Variants in HACE1 observed in about 807,000 individuals in gnomAD.
The protein encoded by HACE1 is HECT domain and ankyrin repeat containing E3 ubiquitin protein ligase 1.
In HACE1, 73 loss-of-function variants were observed where a neutral mutation model predicts 118.4. That is an observed-to-expected ratio of 0.62 (90% CI 0.51 to 0.75). HACE1 has a LOEUF of 0.75. HACE1 is among the 30% of genes least tolerant of loss of function. HACE1 has a pLI of 0.00. For missense variants in HACE1, 749 were observed against 1,102.2 expected (o/e 0.68, Z 4.54); for synonymous variants, 368 against 374.8 (o/e 0.98, Z 0.21).
intron 22 of HACE1, among the ~76,000 whole-genome samples, chr6:104,736,701 A>G (rs970704766): frequency 1.3e-4 from 20 of 152,200 alleles, no homozygotes; most frequent in African/African-American, 4.8e-4. Context: ...AATATATTAA[A>G]TTATTTCCAT....
At chr6:104,841,118 C>CAA (rs1165724826) in intron 5 of HACE1, among the ~76,000 whole-genome samples, 11 of 81,450 alleles carry the variant, frequency 1.4e-4, no homozygotes, top group Admixed American at 4.3e-4. Flanking sequence ...GACTCTGTCT[C>CAA]AAAAAAAAAA....
chr6:104,793,491 C>T lies in HACE1; in HGVS notation c.924-1837G>A, dbSNP rs532981215. On this transcript the variant is annotated intron_variant, in intron 10 of 23. Coordinates refer to ENST00000262903, the MANE Select transcript of HACE1 (RefSeq NM_020771.4). ...ATATAAACATAGCATTATGTGCAAA[C>T]GCCTCAGTAAATGTTTATTATCTTT... is the stretch of plus-strand genomic sequence containing the variant. 1.1e-4 allele frequency among the ~76,000 whole-genome samples: 16 copies of T among 152,106 alleles called. No homozygotes were observed. The South Asian group carries it at 2.7e-3, about 26-fold the overall frequency.
chr6:104,811,247 C>CATATATAT (rs3995559), intron 7 of HACE1, 64 bp downstream of exon 7: 3,394 of 207,764 alleles, frequency 0.016, 33 homozygotes, highest in African/African-American at 0.023. Context: ...TTTATTTATA[C>CATATATAT]ATATATATAT....
At chr6:104,783,253 T>A (rs1467251912) in intron 14 of HACE1, among the ~76,000 whole-genome samples, 1 of 152,224 alleles carries the variant, frequency 6.6e-6, no homozygotes, top group Non-Finnish European at 1.5e-5. Context: ...AAATTTCCCC[T>A]GACTACAGAT....
At chr6:104,740,492 T>C (rs939023732) in intron 22 of HACE1, among the ~76,000 whole-genome samples, 2 of 152,098 alleles carry the variant, frequency 1.3e-5, no homozygotes, top group Admixed American at 1.3e-4. Context: ...CCATTAATGC[T>C]ACAGAAATAC....
At chr6:104,842,596 C>T (rs868411797) in intron 5 of HACE1, among the ~76,000 whole-genome samples, 7 of 151,760 alleles carry the variant, frequency 4.6e-5, no homozygotes, top group South Asian at 4.1e-4. Flanking sequence ...AAGAACATAA[C>T]GAAAAACAGC....
rs572903164 is a variant in HACE1, at chr6:104,803,604, C to T, written c.618-6579G>A. Reference sequence around the variant, plus strand: ...CAATCCATCACATAAAAAGAACCAACGGCAAAAACCACATGATTATCTCAA... The same window carrying T: ...CAATCCATCACATAAAAAGAACCAATGGCAAAAACCACATGATTATCTCAA... On this transcript the variant is annotated intron_variant, in intron 7 of 23. Coordinates refer to ENST00000262903, the MANE Select transcript of HACE1 (RefSeq NM_020771.4). Among the ~76,000 whole-genome samples the T allele has an allele frequency of 2.2e-4, 33 of 152,170 alleles. No individual in the cohort carries two copies. In the South Asian group the frequency reaches 2.9e-3, roughly 13 times the overall value.
chr6:104,811,022 T>C (rs1771540414), intron 7 of HACE1, among the ~76,000 whole-genome samples: 2 of 151,756 alleles, frequency 1.3e-5, no homozygotes, highest in South Asian at 4.1e-4. Context: ...AAGCTCCACA[T>C]GTAACATAAA....
intron 22 of HACE1, among the ~76,000 whole-genome samples, chr6:104,735,572 A>G (rs920652721): frequency 1.4e-4 from 21 of 152,104 alleles, no homozygotes; most frequent in African/African-American, 5.1e-4. Flanking sequence ...CGCAGCTTAC[A>G]GTGAGCCGAG....
At chr6:104,754,907 G>A (rs1367716971) in intron 19 of HACE1, among the ~76,000 whole-genome samples, 12 of 152,144 alleles carry the variant, frequency 7.9e-5, no homozygotes, top group South Asian at 2.1e-4. Context: ...AGCTAGCATC[G>A]TCATGACAGG....
chr6:104,803,439 G>C (rs1042540111), intron 7 of HACE1, among the ~76,000 whole-genome samples: 1 of 152,134 alleles, frequency 6.6e-6, no homozygotes, highest in Non-Finnish European at 1.5e-5. Flanking sequence ...CAATATCCTT[G>C]ATGAACATTG....
At chr6:104,804,228 T>C (rs1270784797) in intron 7 of HACE1, among the ~76,000 whole-genome samples, 2 of 152,150 alleles carry the variant, frequency 1.3e-5, no homozygotes, top group African/African-American at 2.4e-5. Flanking sequence ...CACAAACAAA[T>C]GGAAGAACAT....
In HACE1 at chr6:104,777,285, T is replaced by C. The variant is rs1013905867; in HGVS notation, c.1599A>G (p.Glu533=). Residue 533 remains glutamate (E), a synonymous_variant, in exon 15 of 24, where the codon GAA becomes GAG. Coordinates refer to ENST00000262903, the MANE Select transcript of HACE1 (RefSeq NM_020771.4). ...PFKDRCEWFY[E]HLHSGQPDSD... ...AATCTGGCTGTCCTGAATGCAAATG[T>C]TCATAGAACCATTCACAGCGATCTT... is the stretch of plus-strand genomic sequence containing the variant. 3 of 1,613,114 alleles carry C rather than the reference T, an allele frequency of 1.9e-6. No individual in the cohort carries two copies. Among genetic ancestry groups the C allele is most frequent in the African/African-American group, 2.7e-5 (2 of 74,932 alleles).
At chr6:104,732,930 C>T (rs1352496082) in intron 22 of HACE1, among the ~76,000 whole-genome samples, 1 of 152,186 alleles carries the variant, frequency 6.6e-6, no homozygotes, top group Non-Finnish European at 1.5e-5. Context: ...ATGCCTGAAT[C>T]TTGCTTATAA....
In HACE1 at chr6:104,728,307, CATT is replaced by C. The variant is rs1444927286; in HGVS notation, c.*1352_*1354del. ...AATTTCAAAAAATCAAAACATAAAA[CATT>C]ATTAGCTTCAGTTACTATAAATAAA... On this transcript the variant is annotated 3_prime_UTR_variant, in exon 24 of 24. Transcript: ENST00000262903. 4.6e-5 allele frequency: 7 copies of C among 152,190 alleles called. No homozygotes were observed. Among genetic ancestry groups the C allele is most frequent in the Non-Finnish European group, 8.8e-5 (6 of 67,994 alleles). The allele number at this position is 152,190 out of a possible 1,614,324, so 9.4% of individuals were successfully genotyped here.
At chr6:104,733,077 C>T (rs1190948267) in intron 22 of HACE1, among the ~76,000 whole-genome samples, 13 of 152,118 alleles carry the variant, frequency 8.5e-5, no homozygotes, top group African/African-American at 3.1e-4. Flanking sequence ...AAATTAATAA[C>T]GTGACCAAAC....
At chr6:104,755,014 C>T (rs1373826905) in intron 19 of HACE1, among the ~76,000 whole-genome samples, 1 of 152,090 alleles carries the variant, frequency 6.6e-6, no homozygotes, top group Non-Finnish European at 1.5e-5. Context: ...AGAGCCAAGA[C>T]CCATCAGTAT....
chr6:104,819,482 T>A (rs984859729), intron 6 of HACE1, among the ~76,000 whole-genome samples: 5 of 152,168 alleles, frequency 3.3e-5, no homozygotes, highest in African/African-American at 1.2e-4. Flanking sequence ...TTATATAGAT[T>A]CAATGCTATT....
chr6:104,836,065 G>T (rs1369148596), intron 5 of HACE1, among the ~76,000 whole-genome samples: 3 of 152,194 alleles, frequency 2.0e-5, no homozygotes, highest in Non-Finnish European at 4.4e-5. Context: ...TCAGGGTTGT[G>T]CTCCATCAGA....
Sources: gnomAD v4.1 joint callset for allele counts (sites outside exome capture counted in the v4.1 genomes callset) on GRCh38, gnomAD v4.1.1 for gene constraint, MANE v1.5 for transcripts, NCBI Gene and HGNC (gene_info 2026-07-23, HGNC 2026-07-21) for gene names.